Variants in GABRG3 observed in about 807,000 individuals in gnomAD.
GABRG3 encodes gamma-aminobutyric acid receptor subunit gamma-3.
In GABRG3, 25 loss-of-function variants were observed where a neutral mutation model predicts 48.8. The observed-to-expected ratio is 0.51, with a 90% CI of 0.37 to 0.72. GABRG3 has a LOEUF of 0.72. Ranked by LOEUF, GABRG3 falls within the 30% of genes least tolerant of loss-of-function variation. The pLI is 0.00. For missense variants in GABRG3, 394 were observed against 577.9 expected, an observed-to-expected ratio of 0.68 and a Z score of 3.26; for synonymous variants, 227 against 217.6, an observed-to-expected ratio of 1.04 and a Z score of -0.38.
intron 3 of GABRG3, among the ~76,000 whole-genome samples, chr15:27,042,499 C>A (rs938121677): frequency 6.6e-6 from 1 of 152,206 alleles, no homozygotes; most frequent in African/African-American, 2.4e-5. Flanking sequence ...CAGAGGATGC[C>A]CGTTGCCTCC....
At chr15:27,485,176 A>G (rs1019798037) in intron 6 of GABRG3, among the ~76,000 whole-genome samples, 2 of 152,188 alleles carry the variant, frequency 1.3e-5, no homozygotes, top group Non-Finnish European at 2.9e-5. Flanking sequence ...TGTGCCATGC[A>G]TATGATGCGA....
intron 5 of GABRG3, among the ~76,000 whole-genome samples, chr15:27,463,840 A>G (rs1477282000): frequency 6.6e-6 from 1 of 152,126 alleles, no homozygotes; most frequent in Non-Finnish European, 1.5e-5. Flanking sequence ...CTAGATGTTC[A>G]CTACATCACT....
intron 6 of GABRG3, among the ~76,000 whole-genome samples, chr15:27,487,204 C>T (rs570923204): frequency 3.6e-4 from 55 of 152,256 alleles, no homozygotes; most frequent in African/African-American, 1.1e-3. Context: ...ATGAACTGCT[C>T]GTCTGCTAAG....
chr15:27,327,646 C>G (rs570939375), intron 4 of GABRG3, among the ~76,000 whole-genome samples: 1 of 152,304 alleles, frequency 6.6e-6, no homozygotes, highest in East Asian at 1.9e-4. Flanking sequence ...CCTGTCTGCT[C>G]GCCCAGCACA....
intron 3 of GABRG3, among the ~76,000 whole-genome samples, chr15:27,230,829 T>C (rs1021955402): frequency 1.3e-5 from 2 of 152,208 alleles, no homozygotes; most frequent in Non-Finnish European, 2.9e-5. Flanking sequence ...AAAATAAATT[T>C]TACAAATTAC....
intron 3 of GABRG3, among the ~76,000 whole-genome samples, chr15:27,318,857 A>G (rs1259450371): frequency 6.6e-6 from 1 of 152,096 alleles, no homozygotes; most frequent in Non-Finnish European, 1.5e-5. Context: ...AACCATTTGG[A>G]CCAGAGCACA....
chr15:27,182,956 C>T (rs971825434), intron 3 of GABRG3, among the ~76,000 whole-genome samples: 9 of 152,030 alleles, frequency 5.9e-5, no homozygotes, highest in Admixed American at 3.3e-4. Flanking sequence ...CCAAATAGAG[C>T]GAAAACAATA....
intron 5 of GABRG3, among the ~76,000 whole-genome samples, chr15:27,440,306 C>G (rs1888745918): frequency 6.6e-6 from 1 of 152,234 alleles, no homozygotes; most frequent in East Asian, 1.9e-4. Context: ...CTAAAAAGCT[C>G]TACCTGCCTA....
intron 5 of GABRG3, among the ~76,000 whole-genome samples, chr15:27,425,009 T>C (rs2140616527): frequency 6.6e-6 from 1 of 152,288 alleles, no homozygotes; most frequent in South Asian, 2.1e-4. Flanking sequence ...CACTTGACCA[T>C]GTCTCCAAGA....
intron 3 of GABRG3, among the ~76,000 whole-genome samples, chr15:27,219,288 G>C (rs1181717482): frequency 6.6e-6 from 1 of 152,196 alleles, no homozygotes; most frequent in Non-Finnish European, 1.5e-5. Context: ...CTTGGGGCGG[G>C]CTGGGTTTTA....
intron 2 of GABRG3, among the ~76,000 whole-genome samples, chr15:27,002,562 A>C (rs1895469010): frequency 6.6e-6 from 1 of 152,200 alleles, no homozygotes; most frequent in Middle Eastern, 3.4e-3. Context: ...TTTTAAGCTA[A>C]GAAATTTATG....
chr15:27,042,041 CA>C (rs1046429904), intron 3 of GABRG3, among the ~76,000 whole-genome samples: 6 of 152,184 alleles, frequency 3.9e-5, no homozygotes, highest in Non-Finnish European at 8.8e-5. Context: ...TTGATTTCTT[CA>C]GTGGAAACTA....
chr15:27,369,503 A>C (rs1225417877), intron 5 of GABRG3, among the ~76,000 whole-genome samples: 1 of 152,196 alleles, frequency 6.6e-6, no homozygotes, highest in African/African-American at 2.4e-5. Context: ...TTGGTGTATG[A>C]ACATGGGCTC....
chr15:27,015,309 A>AT (rs982674644), intron 2 of GABRG3, among the ~76,000 whole-genome samples: 15 of 148,728 alleles, frequency 1.0e-4, no homozygotes, highest in East Asian at 4.0e-4. Flanking sequence ...CATTTTGTTA[A>AT]TTTTTTTTTC....
At chr15:26,973,844 C>T (rs1214903337) in intron 1 of GABRG3, among the ~76,000 whole-genome samples, 1 of 152,202 alleles carries the variant, frequency 6.6e-6, no homozygotes, top group Non-Finnish European at 1.5e-5. Context: ...TATGACAATA[C>T]ATCACTGATT....
intron 3 of GABRG3, among the ~76,000 whole-genome samples, chr15:27,270,223 T>G (rs1311676327): frequency 6.6e-6 from 1 of 152,212 alleles, no homozygotes; most frequent in Non-Finnish European, 1.5e-5. Flanking sequence ...TGTTTGGGCT[T>G]AGGATCTAGA....
At chr15:27,360,236 A>C (rs374703415) in intron 5 of GABRG3, among the ~76,000 whole-genome samples, 1 of 152,168 alleles carries the variant, frequency 6.6e-6, no homozygotes, top group Admixed American at 6.5e-5. Flanking sequence ...CACAGTGTTC[A>C]TCCAGCACGA....
At chr15:27,223,719 C>T (rs962282542) in intron 3 of GABRG3, among the ~76,000 whole-genome samples, 1 of 152,106 alleles carries the variant, frequency 6.6e-6, no homozygotes, top group African/African-American at 2.4e-5. Context: ...CCTTGTCCCC[C>T]GTGCCACACT....
intron 6 of GABRG3, among the ~76,000 whole-genome samples, chr15:27,501,534 G>T (rs8039007): frequency 0.1 from 15,219 of 152,020 alleles, 1,460 homozygotes; most frequent in East Asian, 0.33. Flanking sequence ...ATGAGGCTCA[G>T]TCTCCTGCAA....
Sources: allele counts gnomAD v4.1 joint callset (sites outside exome capture counted in the v4.1 genomes callset), GRCh38; gene constraint gnomAD v4.1.1; transcripts MANE v1.5; gene names NCBI Gene and HGNC (gene_info 2026-07-23, HGNC 2026-07-21).